Variants in SLC17A1 observed in about 807,000 individuals in gnomAD.
SLC17A1 encodes the protein solute carrier family 17 member 1.
SLC17A1 carries 51 observed loss-of-function variants against 53.5 expected under a neutral mutation model. That is an observed-to-expected ratio of 0.95 (90% CI 0.76 to 1.20). The LOEUF (loss-of-function observed/expected upper bound fraction) is 1.20. SLC17A1 is among the 50% of genes most tolerant of loss of function. The pLI is 0.00. For missense variants in SLC17A1, 538 were observed against 568.2 expected, an observed-to-expected ratio of 0.95 and a Z score of 0.54; for synonymous variants, 179 against 198.8, an observed-to-expected ratio of 0.90 and a Z score of 0.84.
At chr6:25,824,067 T>C (rs986638126) in intron 3 of SLC17A1, among the ~76,000 whole-genome samples, 11 of 151,956 alleles carry the variant, frequency 7.2e-5, no homozygotes, top group African/African-American at 2.2e-4. Flanking sequence ...AGATATTTAA[T>C]GCAACATGTA....
At chr6:25,819,397 A>C (rs376110981) in intron 5 of SLC17A1, 114 bp downstream of exon 5, 1 of 877,938 alleles carries the variant, frequency 1.1e-6, no homozygotes, top group African/African-American at 1.7e-5. Flanking sequence ...GCTGAAACAG[A>C]TGATTTCCAA....
the SLC17A1 span, chr6:25,773,693 C>G: frequency 6.2e-7 from 1 of 1,608,004 alleles, no homozygotes; most frequent in Non-Finnish European, 8.5e-7. Flanking sequence ...AGAGAAAGCT[C>G]ATTCTGATCT....
chr6:25,746,797 TGA>T, the SLC17A1 span, among the ~76,000 whole-genome samples: 22 of 152,186 alleles, frequency 1.4e-4, no homozygotes, highest in African/African-American at 4.8e-4. Flanking sequence ...TATCCCCTTC[TGA>T]CCCTGTACCA....
chr6:25,724,488 C>T, the SLC17A1 span, among the ~76,000 whole-genome samples: 1 of 152,202 alleles, frequency 6.6e-6, no homozygotes, highest in Non-Finnish European at 1.5e-5. Flanking sequence ...GGCATGTCTC[C>T]TGTAACATGT....
chr6:25,779,307 G>A (rs958121999), downstream of SLC17A1: 10 of 1,389,504 alleles, frequency 7.2e-6, no homozygotes, highest in South Asian at 1.5e-5. Flanking sequence ...ACTATGTAAC[G>A]CTAAAGATTT....
At chr6:25,792,504 A>G (rs1197414857) in intron 12 of SLC17A1, among the ~76,000 whole-genome samples, 1 of 152,174 alleles carries the variant, frequency 6.6e-6, no homozygotes, top group Non-Finnish European at 1.5e-5. Context: ...TGTTTTAACA[A>G]CTGTCTGCAA....
At chr6:25,829,577 G>T (rs145883827) in intron 2 of SLC17A1, among the ~76,000 whole-genome samples, 2 of 152,230 alleles carry the variant, frequency 1.3e-5, no homozygotes, top group South Asian at 2.1e-4. Flanking sequence ...TCATTTAGGG[G>T]TATGCTTTTG....
At chr6:25,776,572 C>T in the SLC17A1 span, 3 of 1,580,282 alleles carry the variant, frequency 1.9e-6, no homozygotes, top group African/African-American at 2.7e-5. Context: ...GCACATGCAC[C>T]TGACCTAGTC....
chr6:25,799,897 G>A lies in SLC17A1; in HGVS notation c.1270-978C>T, dbSNP rs147649594. 2.2e-3 allele frequency among the ~76,000 whole-genome samples: 332 copies of A among 152,272 alleles called. 1 individual carries two copies. Among genetic ancestry groups the A allele is most frequent in the African/African-American group, 7.5e-3 (312 of 41,550 alleles). ...CTAATGAGGCCATTTCTCTGACCAG[G>A]GAGCTTCTGTGGTTCTAGTGATGTT... On this transcript the variant is annotated intron_variant, in intron 11 of 12. Coordinates refer to ENST00000244527, the MANE Select transcript of SLC17A1 (RefSeq NM_005074.5).
At chr6:25,784,110 T>C (rs1490005461) in intron 12 of SLC17A1, among the ~76,000 whole-genome samples, 2 of 152,206 alleles carry the variant, frequency 1.3e-5, no homozygotes, top group African/African-American at 4.8e-5. Flanking sequence ...TTATTAGTTA[T>C]TAAAACATGG....
At chr6:25,762,908 A>G in the SLC17A1 span, among the ~76,000 whole-genome samples, 1 of 152,184 alleles carries the variant, frequency 6.6e-6, no homozygotes, top group Non-Finnish European at 1.5e-5. Flanking sequence ...CTTTTATCCT[A>G]TCATTCTGTC....
At chr6:25,777,547 C>T in the SLC17A1 span, 4 of 162,802 alleles carry the variant, frequency 2.5e-5, no homozygotes, top group Admixed American at 2.7e-4. Flanking sequence ...CAAGATCAGA[C>T]TCAACAGCAG....
intron 12 of SLC17A1, among the ~76,000 whole-genome samples, chr6:25,787,280 G>C (rs970615170): frequency 1.3e-5 from 2 of 151,580 alleles, no homozygotes; most frequent in African/African-American, 2.4e-5. Flanking sequence ...TTGAGCCCAG[G>C]AGTCAAGACC....
the SLC17A1 span, among the ~76,000 whole-genome samples, chr6:25,736,444 C>G: frequency 6.6e-6 from 1 of 151,918 alleles, no homozygotes; most frequent in Non-Finnish European, 1.5e-5. Flanking sequence ...TCAGGGTGTG[C>G]CAGAAGGGAT....
At chr6:25,812,778 A>C in intron 8 of SLC17A1, 53 bp downstream of exon 8, 17 of 1,397,202 alleles carry the variant, frequency 1.2e-5, no homozygotes, top group Non-Finnish European at 1.7e-5. Context: ...AGACAGACAA[A>C]TGTACACAGA....
At chr6:25,788,449 G>T (rs1031663687) in intron 12 of SLC17A1, among the ~76,000 whole-genome samples, 1 of 152,116 alleles carries the variant, frequency 6.6e-6, no homozygotes, top group African/African-American at 2.4e-5. Flanking sequence ...AGCAGGACAC[G>T]GTGTGGGGAG....
intron 3 of SLC17A1, among the ~76,000 whole-genome samples, chr6:25,821,188 ATAGG>A (rs1278221131): frequency 6.6e-6 from 1 of 152,336 alleles, no homozygotes; most frequent in East Asian, 1.9e-4. Flanking sequence ...ATTAAATAAA[ATAGG>A]TAGGAATCCA....
intron 12 of SLC17A1, among the ~76,000 whole-genome samples, chr6:25,793,846 A>C (rs1763552369): frequency 6.6e-6 from 1 of 152,214 alleles, no homozygotes; most frequent in South Asian, 2.1e-4. Flanking sequence ...GATATCAATA[A>C]AAATCACAGG....
the SLC17A1 span, chr6:25,776,790 T>C: frequency 5.0e-6 from 8 of 1,613,888 alleles, no homozygotes; most frequent in Non-Finnish European, 6.8e-6. Flanking sequence ...CAGTTTACTC[T>C]GTGTTTGTCC....
Sources: allele counts gnomAD v4.1 joint callset (sites outside exome capture counted in the v4.1 genomes callset), GRCh38; gene constraint gnomAD v4.1.1; transcripts MANE v1.5; gene names NCBI Gene and HGNC (gene_info 2026-07-23, HGNC 2026-07-21).